The following JMY variants were observed in gnomAD, a reference collection of about 807,000 sequenced individuals.
The protein encoded by JMY is junction-mediating and -regulatory protein.
In JMY, 46 loss-of-function variants were observed where a neutral mutation model predicts 103.3. The ratio of observed to expected loss-of-function variants is 0.45; its 90% confidence interval spans 0.35 to 0.57. The LOEUF is 0.57. Among genes scored for constraint, JMY ranks in the 20% least tolerant of loss-of-function variants. The pLI is 0.00. For synonymous variants in JMY, 526 were observed against 489.3 expected (o/e 1.07, Z -0.99); for missense variants, 1,238 against 1,255.2 (o/e 0.99, Z 0.21).
intron 10 of JMY, among the ~76,000 whole-genome samples, chr5:79,319,944 A>C (rs1009953534): frequency 7.9e-5 from 12 of 152,170 alleles, no homozygotes; most frequent in African/African-American, 2.9e-4. Context: ...AATTTCTTGA[A>C]TATTCATAAA....
Position 79,236,845 on chromosome 5 carries a change from AG to A in JMY, c.200del (p.Gly67AlafsTer116), listed in dbSNP as rs1370974211. The A allele has an allele frequency of 6.9e-7, 1 of 1,449,510 alleles. No individual in the cohort carries two copies. The highest frequency in any genetic ancestry group is 9.1e-7 in the Non-Finnish European group (1 of 1,095,334). The allele number at this position is 1,449,510 out of a possible 1,614,324, so 89.8% of individuals were successfully genotyped here. On this transcript the variant is annotated frameshift_variant, in exon 1 of 11. Transcript: ENST00000396137. LOFTEE classifies it high-confidence loss of function. ...SGSREQAGAR[G>X]GAEAGGAASD... ...GCTCCCGGGAGCAAGCGGGGGCGCG[AG>A]GGGGCGCCGAGGCCGGCGGAGCTGC...
intron 4 of JMY, among the ~76,000 whole-genome samples, chr5:79,291,841 T>C (rs1456851980): frequency 6.6e-6 from 1 of 152,210 alleles, no homozygotes; most frequent in Non-Finnish European, 1.5e-5. Context: ...GCTGCCCTCA[T>C]TGGCTTGAAA....
intron 2 of JMY, among the ~76,000 whole-genome samples, chr5:79,287,168 G>A (rs1217786735): frequency 6.6e-6 from 1 of 152,200 alleles, no homozygotes; most frequent in Non-Finnish European, 1.5e-5. Flanking sequence ...TACTGCTTCA[G>A]AAAGGAACTG....
At chr5:79,237,713 A>G (rs768241660) in intron 1 of JMY, 31 bp downstream of exon 1, 4 of 1,573,310 alleles carry the variant, frequency 2.5e-6, no homozygotes, top group East Asian at 2.3e-5. Context: ...TCTGGGCTCT[A>G]CTGGTCGCTT....
At position 79,326,881 on chromosome 5, in the gene JMY, C is replaced by A. The variant is rs755716146; in HGVS notation, c.*5279C>A. ...AGTGTATTGTAAATGCCAACTCTTGCAAATTTACAATACTTAAATATGTTC... is the reference window on the plus strand; with the variant it reads ...AGTGTATTGTAAATGCCAACTCTTGAAAATTTACAATACTTAAATATGTTC... On this transcript the variant is annotated 3_prime_UTR_variant, in exon 11 of 11. Coordinates refer to ENST00000396137, the MANE Select transcript of JMY (RefSeq NM_152405.5). The A allele has an allele frequency of 5.9e-5, 9 of 152,126 alleles. No individual in the cohort carries two copies. The highest frequency in any genetic ancestry group is 1.2e-4 in the Non-Finnish European group (8 of 68,016). The allele number at this position is 152,126 out of a possible 1,614,324, so 9.4% of individuals were successfully genotyped here.
chr5:79,265,621 T>C lies in JMY; in HGVS notation c.1033-12289T>C, dbSNP rs186053535. Among the ~76,000 whole-genome samples the C allele has an allele frequency of 4.4e-4, 67 of 152,236 alleles. 1 individual carries two copies. Among genetic ancestry groups the C allele is most frequent in the African/African-American group, 1.5e-3 (63 of 41,546 alleles). On this transcript the variant is annotated intron_variant, in intron 1 of 10. Coordinates refer to ENST00000396137, the MANE Select transcript of JMY (RefSeq NM_152405.5). ...GACGGATTGACCACATGCAATGTTC[T>C]TTTTCCCCCACTCTGTAGATGGGCT...
chr5:79,243,831 A>T (rs1207756597), intron 1 of JMY, among the ~76,000 whole-genome samples: 1 of 152,208 alleles, frequency 6.6e-6, no homozygotes, highest in Admixed American at 6.5e-5. Flanking sequence ...AGATGTAAGT[A>T]TAGAAAAATG....
chr5:79,300,929 T>G, intron 6 of JMY, 66 bp downstream of exon 6: 8 of 1,357,772 alleles, frequency 5.9e-6, no homozygotes, highest in Non-Finnish European at 8.0e-6. Flanking sequence ...TCATCTGTTT[T>G]GTCTTTAAAA....
intron 1 of JMY, among the ~76,000 whole-genome samples, chr5:79,274,606 A>G (rs1330740544): frequency 1.3e-5 from 2 of 151,986 alleles, no homozygotes; most frequent in South Asian, 2.1e-4. Context: ...CTGTTTCACC[A>G]TGTTGCCAAG....
At chr5:79,316,608 TA>T (rs139472734) in intron 10 of JMY, among the ~76,000 whole-genome samples, 1 of 151,822 alleles carries the variant, frequency 6.6e-6, no homozygotes, top group Non-Finnish European at 1.5e-5. Flanking sequence ...ATTCTTGCCC[TA>T]AAAAAACAGA....
chr5:79,292,978 A>G (rs554297395), intron 4 of JMY, among the ~76,000 whole-genome samples: 1 of 152,304 alleles, frequency 6.6e-6, no homozygotes, highest in East Asian at 1.9e-4. Context: ...TGATGTACCA[A>G]TTTTATTAGC....
chr5:79,316,657 G>A (rs143560137), intron 10 of JMY, among the ~76,000 whole-genome samples: 3 of 152,164 alleles, frequency 2.0e-5, no homozygotes, highest in African/African-American at 7.2e-5. Context: ...TGTAGTTCTA[G>A]CACTTTGGGA....
intron 1 of JMY, among the ~76,000 whole-genome samples, chr5:79,268,732 C>T (rs984206934): frequency 2.0e-5 from 3 of 152,284 alleles, no homozygotes; most frequent in African/African-American, 7.2e-5. Context: ...TTATGATCCA[C>T]CCGCCTCGGC....
chr5:79,276,927 A>C (rs973269145), intron 1 of JMY, among the ~76,000 whole-genome samples: 1 of 152,102 alleles, frequency 6.6e-6, no homozygotes, highest in African/African-American at 2.4e-5. Context: ...TATACATACA[A>C]GGTCTCACTA....
intron 7 of JMY, 40 bp from the exon 8 acceptor site, chr5:79,312,363 G>T (rs188382085): frequency 3.4e-4 from 402 of 1,176,540 alleles, no homozygotes; most frequent in Admixed American, 3.1e-3. Context: ...GATAAAAATT[G>T]GGACACAGCA....
chr5:79,304,327 T>C (rs1746821068), intron 6 of JMY, among the ~76,000 whole-genome samples: 1 of 152,204 alleles, frequency 6.6e-6, no homozygotes, highest in Non-Finnish European at 1.5e-5. Flanking sequence ...AATGTCTCCC[T>C]ATGTAACATA....
At position 79,326,536 on chromosome 5, in the gene JMY, T is replaced by C. The variant is rs909452427; in HGVS notation, c.*4934T>C. ...ACAGTGACTTCTGAGTTCTTTAACT[T>C]TGACAGAATCTCCATTGTTTCATTG... On this transcript the variant is annotated 3_prime_UTR_variant, in exon 11 of 11. Coordinates refer to ENST00000396137, the MANE Select transcript of JMY (RefSeq NM_152405.5). The C allele has an allele frequency of 6.6e-6, 1 of 152,192 alleles. No individual in the cohort carries two copies. Among genetic ancestry groups the C allele is most frequent in the Admixed American group, 6.5e-5 (1 of 15,286 alleles). The allele number at this position is 152,192 out of a possible 1,614,324, so 9.4% of individuals were successfully genotyped here. A position where few individuals can be genotyped will look rare whatever the true frequency, so the allele number is the denominator to read the frequency against.
At chr5:79,247,034 G>A (rs1394869439) in intron 1 of JMY, among the ~76,000 whole-genome samples, 3 of 152,102 alleles carry the variant, frequency 2.0e-5, no homozygotes, top group South Asian at 4.1e-4. Context: ...CCTACATAAC[G>A]TATCTATTGT....
At chr5:79,318,344 G>A (rs970009864) in intron 10 of JMY, among the ~76,000 whole-genome samples, 4 of 152,010 alleles carry the variant, frequency 2.6e-5, no homozygotes, top group Admixed American at 1.3e-4. Flanking sequence ...TAGATCTAAT[G>A]TATATGCAAG....
Sources: gnomAD v4.1 joint callset for allele counts (sites outside exome capture counted in the v4.1 genomes callset) on GRCh38, gnomAD v4.1.1 for gene constraint, MANE v1.5 for transcripts, NCBI Gene and HGNC (gene_info 2026-07-23, HGNC 2026-07-21) for gene names.